Variants in DMD observed in about 807,000 individuals in gnomAD.
The protein encoded by DMD is dystrophin, also known as mutant dystrophin.
Under a neutral mutation model 330.1 loss-of-function variants are expected in DMD, and 63 were observed. The observed-to-expected ratio is 0.19, with a 90% confidence interval of 0.16 to 0.24. DMD has a LOEUF of 0.24. Among genes scored for constraint, DMD ranks in the 10% least tolerant of loss-of-function variants. DMD has a pLI of 1.00. For missense variants in DMD, 3,344 were observed against 2,684.1 expected (o/e 1.25, Z -5.43); for synonymous variants, 1,223 against 959.8 (o/e 1.27, Z -5.07).
intron 2 of DMD, among the ~76,000 whole-genome samples, chrX:32,999,089 A>G (rs963200485): frequency 2.7e-5 from 3 of 112,546 alleles, no homozygotes; most frequent in Non-Finnish European, 5.6e-5. Flanking sequence ...GAAAACAAAC[A>G]AACAAAAATA....
chrX:33,204,966 C>T (rs1262275899), intron 1 of DMD, among the ~76,000 whole-genome samples: 2 of 112,397 alleles, frequency 1.8e-5, no homozygotes, highest in East Asian at 5.6e-4. Flanking sequence ...CTCTGACAGC[C>T]CATTAGAGAC....
chrX:32,802,060 G>C (rs1015044312), intron 7 of DMD, among the ~76,000 whole-genome samples: 10 of 111,836 alleles, frequency 8.9e-5, no homozygotes, highest in African/African-American at 2.6e-4. Context: ...GTGAATTGTA[G>C]CTTAATGAGG....
rs185897149 is a variant in DMD, at chrX:32,722,606, T to C, written c.650-23313A>G. On this transcript the variant is annotated intron_variant, in intron 7 of 78. Transcript: ENST00000357033. ...TCTACAAACATGGGATATTTTCCCATATATTTACCTTTTAATTTGTTCCTC... is the reference window on the plus strand; with the variant it reads ...TCTACAAACATGGGATATTTTCCCACATATTTACCTTTTAATTTGTTCCTC... 4.3e-3 allele frequency among the ~76,000 whole-genome samples: 473 copies of C among 111,264 alleles called. 1 individual carries two copies. The highest frequency in any genetic ancestry group is 0.013 in the African/African-American group (413 of 30,735).
At chrX:32,803,187 T>C (rs551120311) in intron 7 of DMD, among the ~76,000 whole-genome samples, 10 of 111,982 alleles carry the variant, frequency 8.9e-5, no homozygotes, top group African/African-American at 2.9e-4. Context: ...CTTCCTGGTT[T>C]AATCTTGGAA....
rs746373500 is a variant in DMD, at chrX:33,043,685, CTTTTTT to C, written c.32-23491_32-23486del. On this transcript the variant is annotated intron_variant, in intron 1 of 78. Transcript: ENST00000357033. ...TTTTAGATTATAAAAACAATCAACT[CTTTTTT>C]TTATTATTATACTTTAGGTTTTAGG... Among the ~76,000 whole-genome samples, 361 of 111,414 alleles carry C rather than the reference CTTTTTT, an allele frequency of 3.2e-3. 1 individual carries two copies. Among genetic ancestry groups the C allele is most frequent in the Admixed American group, 5.3e-3 (55 of 10,463 alleles).
At chrX:32,813,208 C>A (rs1287343641) in intron 6 of DMD, among the ~76,000 whole-genome samples, 2 of 111,689 alleles carry the variant, frequency 1.8e-5, no homozygotes, top group East Asian at 5.6e-4. Flanking sequence ...GAATTGAATT[C>A]TTTTATACTA....
chrX:31,520,186 T>G (rs770867530), intron 55 of DMD, among the ~76,000 whole-genome samples: 4 of 112,024 alleles, frequency 3.6e-5, no homozygotes, highest in African/African-American at 1.3e-4. Context: ...GAGCTTTCCA[T>G]TGTGATATGG....
Position 32,724,877 on chromosome X carries a change from T to C in DMD, c.650-25584A>G, listed in dbSNP as rs189717372. On this transcript the variant is annotated intron_variant, in intron 7 of 78. Coordinates refer to ENST00000357033, the MANE Select transcript of DMD (RefSeq NM_004006.3). ...TATCATATGTTAATTATTTGCATGA[T>C]CTTTAGCATTTTTAAACAATGGAAA... Among the ~76,000 whole-genome samples the C allele has an allele frequency of 3.5e-3, 388 of 112,035 alleles. 3 individuals carry two copies. Among genetic ancestry groups the C allele is most frequent in the African/African-American group, 9.6e-3 (297 of 31,019 alleles).
chrX:31,185,961 C>T (rs1204278806), intron 67 of DMD, among the ~76,000 whole-genome samples: 1 of 111,692 alleles, frequency 9.0e-6, no homozygotes, highest in Non-Finnish European at 1.9e-5. Context: ...TACTTAGTAT[C>T]ACACAAGTCA....
At chrX:32,332,256 G>A (rs923367731) in intron 41 of DMD, among the ~76,000 whole-genome samples, 19 of 111,198 alleles carry the variant, frequency 1.7e-4, no homozygotes, top group Middle Eastern at 9.3e-3. Context: ...GGACACAGCA[G>A]TGGGAAAAAA....
At chrX:32,356,980 C>G (rs1004518411) in intron 37 of DMD, among the ~76,000 whole-genome samples, 1 of 111,174 alleles carries the variant, frequency 9.0e-6, no homozygotes, top group Admixed American at 9.6e-5. Context: ...ACCTCCGCCT[C>G]CCGGGTTCAA....
At chrX:31,630,064 T>C (rs1204659457) in intron 54 of DMD, among the ~76,000 whole-genome samples, 3 of 112,334 alleles carry the variant, frequency 2.7e-5, no homozygotes, top group African/African-American at 9.7e-5. Flanking sequence ...TCTTAGCTCC[T>C]CTATCCTTAA....
intron 50 of DMD, among the ~76,000 whole-genome samples, chrX:31,791,694 T>A (rs1348425050): frequency 1.8e-5 from 2 of 112,090 alleles, no homozygotes; most frequent in Non-Finnish European, 3.8e-5. Context: ...AATAAATTTA[T>A]CCTTGTTGTT....
chrX:31,748,444 T>C (rs1219446851), intron 51 of DMD, among the ~76,000 whole-genome samples: 1 of 111,900 alleles, frequency 8.9e-6, no homozygotes, highest in Non-Finnish European at 1.9e-5. Flanking sequence ...TAAATATCCA[T>C]GCTGTAATAT....
At chrX:31,276,712 G>A (rs764869153) in intron 62 of DMD, among the ~76,000 whole-genome samples, 35 of 111,891 alleles carry the variant, frequency 3.1e-4, no homozygotes, top group Non-Finnish European at 5.8e-4. Context: ...TATACTGCAG[G>A]ATATTGACAC....
At chrX:32,818,502 G>A (rs1026624535) in intron 5 of DMD, among the ~76,000 whole-genome samples, 2 of 111,783 alleles carry the variant, frequency 1.8e-5, no homozygotes, top group African/African-American at 3.3e-5. Flanking sequence ...AAACTGTCCC[G>A]TCCTCAGGTC....
chrX:33,215,198 G>A (rs1239285908), upstream of DMD, among the ~76,000 whole-genome samples: 3 of 108,967 alleles, frequency 2.8e-5, no homozygotes, highest in South Asian at 4.0e-4. Context: ...GATGTCAGGC[G>A]CCTGTCATCA....
chrX:32,716,808 G>A (rs2065782241), intron 7 of DMD, among the ~76,000 whole-genome samples: 1 of 111,404 alleles, frequency 9.0e-6, no homozygotes, highest in Admixed American at 9.6e-5. Flanking sequence ...TGCAATAAAG[G>A]TCACTCTCGC....
intron 44 of DMD, among the ~76,000 whole-genome samples, chrX:32,117,423 G>T (rs2096615636): frequency 8.9e-6 from 1 of 111,933 alleles, no homozygotes. Flanking sequence ...CAGAATCCAG[G>T]TCCCAGCAGT....
Sources: allele counts gnomAD v4.1 joint callset (sites outside exome capture counted in the v4.1 genomes callset), GRCh38; gene constraint gnomAD v4.1.1; transcripts MANE v1.5; gene names NCBI Gene and HGNC (gene_info 2026-07-23, HGNC 2026-07-21).